NTN5: variants seen among roughly 807,000 people sequenced by gnomAD.
NTN5 encodes the protein netrin 5, also known as netrin-5.
A neutral mutation model predicts 38.7 loss-of-function variants in NTN5; 42 were observed. The observed-to-expected ratio is 1.08, with a 90% CI of 0.85 to 1.40. The LOEUF is 1.40. Among genes scored for constraint, NTN5 ranks in the 40% most tolerant of loss-of-function variants. The pLI, the probability that NTN5 is intolerant of heterozygous loss-of-function variation, is 0.00. For synonymous variants in NTN5, 329 were observed against 303.9 expected (o/e 1.08, Z -0.86); for missense variants, 658 against 716.5 (o/e 0.92, Z 0.93).
chr19:48,667,300 G>A, intron 2 of NTN5: 1 of 269,940 alleles, frequency 3.7e-6, no homozygotes, highest in Non-Finnish European at 8.0e-6. Flanking sequence ...AGTCTCACCT[G>A]GCCACCCTGA....
At chr19:48,669,742 C>CCACCACCATCACCATCAT in intron 2 of NTN5, among the ~76,000 whole-genome samples, 1 of 115,198 alleles carries the variant, frequency 8.7e-6, no homozygotes, top group African/African-American at 3.5e-5. Flanking sequence ...ATCACCATCA[C>CCACCACCATCACCATCAT]CACCACCATC....
chr19:48,669,540 T>A (rs866095358), intron 2 of NTN5, among the ~76,000 whole-genome samples: 1 of 8,172 alleles, frequency 1.2e-4, no homozygotes, highest in Non-Finnish European at 2.4e-4. Flanking sequence ...ACCACCACCA[T>A]CACCACCACC....
intron 5 of NTN5, 30 bp downstream of exon 5, chr19:48,663,731 C>T: frequency 1.2e-6 from 2 of 1,610,922 alleles, no homozygotes; most frequent in Non-Finnish European, 8.5e-7. Context: ...CCACTTGCCA[C>T]TCAGGGACCT....
intron 6 of NTN5, 120 bp downstream of exon 6, chr19:48,663,343 G>T: frequency 1.1e-6 from 1 of 916,146 alleles, no homozygotes. Flanking sequence ...GAAGGGGTTT[G>T]GAATCCAACA....
chr19:48,672,299 C>T (rs1032331913), intron 1 of NTN5, among the ~76,000 whole-genome samples: 24 of 152,208 alleles, frequency 1.6e-4, no homozygotes, highest in African/African-American at 5.5e-4. Context: ...CCCCACTTTC[C>T]CCTTCCAGGG....
At chr19:48,672,309 G>T (rs2031982974) in intron 1 of NTN5, among the ~76,000 whole-genome samples, 1 of 152,196 alleles carries the variant, frequency 6.6e-6, no homozygotes, top group Non-Finnish European at 1.5e-5. Context: ...CCCTTCCAGG[G>T]CCAGCAGCCT....
Position 48,670,602 on chromosome 19 carries a change from G to A in NTN5, c.385C>T (p.Pro129Ser). The part of the protein sequence containing the change: ...ERVTFHSTPG[P>S]KATVAASHLR... Reference sequence around the variant, plus strand: ...TGGCTGGCCGCCACAGTGGCCTTAGGACCTGGTGTGGAGTGGAAGGTCACC... The same window carrying A: ...TGGCTGGCCGCCACAGTGGCCTTAGAACCTGGTGTGGAGTGGAAGGTCACC... The change falls in exon 2 of 7, where the codon CCT becomes TCT. Residue 129 changes from proline to serine, a missense_variant. Coordinates refer to ENST00000270235, the MANE Select transcript of NTN5 (RefSeq NM_145807.4). The A allele has an allele frequency of 1.3e-6, 2 of 1,591,434 alleles. No individual in the cohort carries two copies. The highest frequency in any genetic ancestry group is 8.5e-7 in the Non-Finnish European group (1 of 1,169,630).
chr19:48,668,052 C>G (rs2031750761), intron 2 of NTN5, among the ~76,000 whole-genome samples: 1 of 152,050 alleles, frequency 6.6e-6, no homozygotes, highest in Non-Finnish European at 1.5e-5. Flanking sequence ...CTGACACCGG[C>G]TGTCTCTGAG....
rs181251138 is a variant in NTN5 at position 48,664,309 on chromosome 19, G to A, written c.821-17C>T. The A allele has an allele frequency of 2.2e-5, 36 of 1,610,084 alleles. No individual in the cohort carries two copies. In the Admixed American group the frequency reaches 3.9e-4, roughly 17 times the overall value. On this transcript the variant is annotated splice_polypyrimidine_tract_variant and intron_variant, in intron 3 of 6. Coordinates refer to ENST00000270235, the MANE Select transcript of NTN5 (RefSeq NM_145807.4). ...ACTGGCAGGCTACATGAGCAGAGGA[G>A]CTGGGGGCATGGGGTATCAGGGCCC... is the stretch of plus-strand genomic sequence containing the variant.
intron 2 of NTN5, among the ~76,000 whole-genome samples, chr19:48,666,120 T>C (rs2031698774): frequency 6.6e-6 from 1 of 152,204 alleles, no homozygotes. Context: ...CTGGCACTAT[T>C]ATCATCCCCA....
In NTN5 at chr19:48,670,734, G is replaced by C; in HGVS notation, c.253C>G (p.Pro85Ala). ...GACAGGATGAGGGCTGGGGGTCCTG[G>C]GGTACAGAAGCGCAAGCTGACAGAT... Reference protein sequence around the residue: ...LTSVSLRFCTPGPPALILSAA... With the variant: ...LTSVSLRFCTAGPPALILSAA... Residue 85 changes from proline to alanine, a missense_variant, in exon 2 of 7, where the codon CCA (proline) becomes GCA (alanine). By Grantham distance (27) the Pro-to-Ala change is conservative. Transcript: ENST00000270235. 1 of 1,612,926 alleles carries C rather than the reference G, an allele frequency of 6.2e-7. No individual in the cohort carries two copies. The highest frequency in any genetic ancestry group is 8.5e-7 in the Non-Finnish European group (1 of 1,179,902).
At chr19:48,671,591 G>A (rs996106485) in intron 1 of NTN5, among the ~76,000 whole-genome samples, 1 of 151,294 alleles carries the variant, frequency 6.6e-6, no homozygotes. Flanking sequence ...TGGGGGCTGG[G>A]ATAGGTGGGC....
intron 2 of NTN5, chr19:48,667,412 C>T (rs937894306): frequency 5.0e-5 from 21 of 422,008 alleles, no homozygotes; most frequent in Middle Eastern, 6.7e-4. Context: ...GCCTCCCCAG[C>T]GCCCAGGCCC....
At chr19:48,667,900 G>A (rs1010435512) in intron 2 of NTN5, among the ~76,000 whole-genome samples, 1 of 152,086 alleles carries the variant, frequency 6.6e-6, no homozygotes, top group African/African-American at 2.4e-5. Context: ...CAAAGCGCAT[G>A]GGAGGTGGAG....
chr19:48,670,865 G>A lies in NTN5; in HGVS notation c.122C>T (p.Ala41Val). The change falls in exon 2 of 7, where the codon GCC becomes GTC. Residue 41 changes from alanine to valine, a missense_variant. Ala to Val is a moderately conservative substitution (Grantham distance 64, BLOSUM62 0). Transcript: ENST00000270235. ...CAGGGCACAGGCCTGAGGGCAGGAG[G>A]CCGCCACGGCAGCCAGCTGTGTCAC... is the stretch of plus-strand genomic sequence containing the variant. ...PPVTQLAAVA[A>V]SCPQACALSP... 1 of 1,611,354 alleles carries A rather than the reference G, an allele frequency of 6.2e-7. No individual in the cohort carries two copies.
intron 2 of NTN5, among the ~76,000 whole-genome samples, chr19:48,665,407 G>A (rs1298110889): frequency 6.7e-6 from 1 of 149,552 alleles, no homozygotes; most frequent in Non-Finnish European, 1.5e-5. Flanking sequence ...CTGCACTCCA[G>A]CCTGGGCAAA....
chr19:48,663,205 G>T, intron 6 of NTN5: 1 of 605,532 alleles, frequency 1.7e-6, no homozygotes, highest in Non-Finnish European at 3.1e-6. Context: ...AGAGATGTCA[G>T]GCTGAAGGAG....
At chr19:48,663,236 G>GTATCATTAA in intron 6 of NTN5, 1 of 656,624 alleles carries the variant, frequency 1.5e-6, no homozygotes, top group South Asian at 1.5e-5. Flanking sequence ...TCTGTAAGCC[G>GTATCATTAA]AAGAACATGG....
At chr19:48,664,059 C>T in intron 4 of NTN5, 84 bp downstream of exon 4, 1 of 1,464,904 alleles carries the variant, frequency 6.8e-7, no homozygotes. Context: ...AAGGCCCCAG[C>T]CCTCACTGCA....
Sources: allele counts gnomAD v4.1 joint callset (sites outside exome capture counted in the v4.1 genomes callset), GRCh38; gene constraint gnomAD v4.1.1; transcripts MANE v1.5; gene names NCBI Gene and HGNC (gene_info 2026-07-23, HGNC 2026-07-21).